Variants in ZMAT4 observed in about 807,000 individuals in gnomAD.
ZMAT4 encodes the protein zinc finger matrin-type 4.
In ZMAT4, 17 loss-of-function variants were observed where a neutral mutation model predicts 28.7. The ratio of observed to expected loss-of-function variants is 0.59; its 90% CI spans 0.41 to 0.89. The LOEUF is 0.89. Among genes scored for constraint, ZMAT4 ranks in the 40% least tolerant of loss-of-function variants. The pLI is 0.00. For missense variants in ZMAT4, 240 were observed against 283.8 expected (o/e 0.85, Z 1.11); for synonymous variants, 117 against 109.2 (o/e 1.07, Z -0.44).
In ZMAT4 at chr8:40,891,339, T is replaced by C. The variant is rs533825619; in HGVS notation, c.-5+6344A>G. 3.0e-3 allele frequency among the ~76,000 whole-genome samples: 383 copies of C among 129,700 alleles called. 4 individuals are homozygous for C. The highest frequency in any genetic ancestry group is 0.011 in the African/African-American group (365 of 34,394). The allele number at this position is 129,700 out of a possible 152,430, so 85.1% of individuals were successfully genotyped here. On this transcript the variant is annotated intron_variant, in intron 1 of 6. Coordinates refer to ENST00000297737, the MANE Select transcript of ZMAT4 (RefSeq NM_024645.3). ...TGTGAGTGGTAAGGACACATGGTGG[T>C]CACCACGTTGGCCACCCTGCCTGGT...
chr8:40,674,922 A>G lies in ZMAT4; in HGVS notation c.359T>C (p.Leu120Pro). 3 of 1,612,522 alleles carry G rather than the reference A, an allele frequency of 1.9e-6. No homozygotes were observed. Among genetic ancestry groups the G allele is most frequent in the Non-Finnish European group, 2.5e-6 (3 of 1,179,576 alleles). The change falls in exon 5 of 7, where the codon CTG (leucine) becomes CCG (proline). Residue 120 changes from leucine to proline, a missense_variant. Leu to Pro is a moderately conservative substitution (Grantham distance 98, BLOSUM62 -3). Coordinates refer to ENST00000297737, the MANE Select transcript of ZMAT4 (RefSeq NM_024645.3). The stretch of plus-strand genomic sequence containing the variant: ...CATCCGTGGGGGCTTAAGTGGGCTC[A>G]GGGGTGTTGCTGTGAAAGGAAACAA... ...KTPLKTTATP[L>P]SPLKPPRMDT...
chr8:40,721,814 T>G (rs1193019304), intron 3 of ZMAT4, among the ~76,000 whole-genome samples: 1 of 151,938 alleles, frequency 6.6e-6, no homozygotes. Context: ...TCGCCCACTT[T>G]TTGATGGGGT....
At chr8:40,797,543 C>A (rs772175236) in intron 2 of ZMAT4, among the ~76,000 whole-genome samples, 1 of 152,146 alleles carries the variant, frequency 6.6e-6, no homozygotes, top group Non-Finnish European at 1.5e-5. Context: ...AGACTAAGGA[C>A]GGTGGTATTT....
intron 3 of ZMAT4, among the ~76,000 whole-genome samples, chr8:40,743,772 G>A (rs950042619): frequency 3.0e-4 from 46 of 152,292 alleles, no homozygotes; most frequent in Middle Eastern, 3.4e-3. Flanking sequence ...CTGGGGCACG[G>A]GGAAGGAGCG....
At chr8:40,620,376 G>A (rs1323459596) in intron 5 of ZMAT4, among the ~76,000 whole-genome samples, 1 of 152,226 alleles carries the variant, frequency 6.6e-6, no homozygotes, top group Non-Finnish European at 1.5e-5. Flanking sequence ...GGCAGGGCTA[G>A]TGACCTCAGG....
intron 1 of ZMAT4, among the ~76,000 whole-genome samples, chr8:40,886,905 C>T (rs1467678946): frequency 6.6e-6 from 1 of 152,194 alleles, no homozygotes; most frequent in African/African-American, 2.4e-5. Flanking sequence ...GGCGCAGTGG[C>T]TCACGCCTAT....
intron 4 of ZMAT4, among the ~76,000 whole-genome samples, chr8:40,693,013 GA>G (rs1025910860): frequency 6.6e-6 from 1 of 152,142 alleles, no homozygotes; most frequent in Non-Finnish European, 1.5e-5. Context: ...TAGAAGCTCA[GA>G]ATGTCAATGT....
At chr8:40,613,360 AT>A (rs1805877525) in intron 5 of ZMAT4, among the ~76,000 whole-genome samples, 1 of 149,422 alleles carries the variant, frequency 6.7e-6, no homozygotes. Context: ...TATTTTTTGT[AT>A]TTTTAGTAGA....
intron 6 of ZMAT4, among the ~76,000 whole-genome samples, chr8:40,548,142 A>G (rs1011909939): frequency 2.6e-5 from 4 of 152,190 alleles, no homozygotes; most frequent in African/African-American, 9.6e-5. Flanking sequence ...ATGCAAAGAG[A>G]TAATCAAACA....
intron 3 of ZMAT4, among the ~76,000 whole-genome samples, chr8:40,726,625 C>T (rs892284389): frequency 1.3e-5 from 2 of 152,196 alleles, no homozygotes; most frequent in Non-Finnish European, 2.9e-5. Flanking sequence ...AACCACACAA[C>T]CCAAACCATA....
At chr8:40,734,269 T>C (rs1272085753) in intron 3 of ZMAT4, among the ~76,000 whole-genome samples, 1 of 152,150 alleles carries the variant, frequency 6.6e-6, no homozygotes, top group Non-Finnish European at 1.5e-5. Flanking sequence ...TAAGTACCTG[T>C]AACACCCCAC....
intron 3 of ZMAT4, among the ~76,000 whole-genome samples, chr8:40,736,326 T>C (rs1811758850): frequency 6.6e-6 from 1 of 152,170 alleles, no homozygotes; most frequent in Non-Finnish European, 1.5e-5. Flanking sequence ...TTGGCCACAT[T>C]ATACCAATAT....
At chr8:40,536,251 A>G (rs943022877) in intron 6 of ZMAT4, among the ~76,000 whole-genome samples, 2 of 152,156 alleles carry the variant, frequency 1.3e-5, no homozygotes, top group Non-Finnish European at 2.9e-5. Flanking sequence ...CCATCAGCCC[A>G]TAATCAATCA....
intron 5 of ZMAT4, among the ~76,000 whole-genome samples, chr8:40,648,192 C>T (rs367745516): frequency 1.1e-4 from 16 of 152,100 alleles, no homozygotes; most frequent in East Asian, 7.8e-4. Flanking sequence ...TTTAGAAGAA[C>T]GTATAACTAG....
At chr8:40,651,442 G>T (rs55739537) in intron 5 of ZMAT4, among the ~76,000 whole-genome samples, 6,893 of 151,444 alleles carry the variant, frequency 0.046, 365 homozygotes, top group Admixed American at 0.16. Context: ...ACAAACAAAT[G>T]GAAGAACATT....
At chr8:40,596,151 T>C (rs1805095236) in intron 5 of ZMAT4, among the ~76,000 whole-genome samples, 1 of 152,038 alleles carries the variant, frequency 6.6e-6, no homozygotes, top group Admixed American at 6.6e-5. Flanking sequence ...TAGTACATTG[T>C]ATGGGGCACC....
intron 2 of ZMAT4, among the ~76,000 whole-genome samples, chr8:40,769,549 T>C (rs1234748576): frequency 2.6e-5 from 4 of 152,198 alleles, no homozygotes; most frequent in Non-Finnish European, 5.9e-5. Flanking sequence ...TGCAAGATGC[T>C]GAATGTGGAC....
chr8:40,810,866 C>T lies in ZMAT4; in HGVS notation c.102+14709G>A, dbSNP rs1015280637. On this transcript the variant is annotated intron_variant, in intron 2 of 6. Transcript: ENST00000297737. ...GTACACCAATAAAAAAATGGGCAAA[C>T]GATACGAATAGAAATCATTTAAAAA... Among the ~76,000 whole-genome samples, 9 of 151,680 alleles carry T rather than the reference C, an allele frequency of 5.9e-5. No individual in the cohort carries two copies. In the East Asian group the frequency reaches 9.7e-4, roughly 16 times the overall value.
intron 5 of ZMAT4, among the ~76,000 whole-genome samples, chr8:40,631,683 G>T (rs1249149302): frequency 6.6e-6 from 1 of 152,148 alleles, no homozygotes; most frequent in East Asian, 1.9e-4. Flanking sequence ...GCAACATAAT[G>T]GTACCATGTG....
Sources: gnomAD v4.1 joint callset for allele counts (sites outside exome capture counted in the v4.1 genomes callset) on GRCh38, gnomAD v4.1.1 for gene constraint, MANE v1.5 for transcripts, NCBI Gene and HGNC (gene_info 2026-07-23, HGNC 2026-07-21) for gene names.